Variants in CFDP1 observed in about 807,000 individuals in gnomAD.
CFDP1 encodes heterochromatin-stabilizing protein CFDP1.
Under a neutral mutation model 40.1 loss-of-function variants are expected in CFDP1, and 31 were observed. The ratio of observed to expected loss-of-function variants is 0.77; its 90% CI spans 0.58 to 1.04. The LOEUF (loss-of-function observed/expected upper bound fraction) is 1.04. CFDP1 is among the 50% of genes least tolerant of loss of function. CFDP1 has a pLI of 0.00. For synonymous variants in CFDP1, 167 were observed against 120.0 expected, an observed-to-expected ratio of 1.39 and a Z score of -2.56; for missense variants, 423 against 343.4, an observed-to-expected ratio of 1.23 and a Z score of -1.83.
At chr16:75,296,102 T>C (rs2078180179) in intron 6 of CFDP1, among the ~76,000 whole-genome samples, 1 of 152,172 alleles carries the variant, frequency 6.6e-6, no homozygotes, top group Non-Finnish European at 1.5e-5. Context: ...CAGCATGAGA[T>C]CTTGCTGTGC....
chr16:75,429,933 C>G lies in CFDP1; in HGVS notation c.64+3356G>C, dbSNP rs572236117. Among the ~76,000 whole-genome samples the G allele has an allele frequency of 2.3e-4, 35 of 152,152 alleles. No individual in the cohort carries two copies. In the South Asian group the frequency reaches 7.1e-3, roughly 31 times the overall value. ...TCAAGAGGTCCTGAGAGCACGCGCCCAAGGTGGTTGGGGTGCAGCTTGGTT... is the reference window on the plus strand; with the variant it reads ...TCAAGAGGTCCTGAGAGCACGCGCCGAAGGTGGTTGGGGTGCAGCTTGGTT... On this transcript the variant is annotated intron_variant, in intron 1 of 6. Transcript: ENST00000283882.
At chr16:75,302,331 G>A (rs1310615986) in intron 6 of CFDP1, among the ~76,000 whole-genome samples, 2 of 152,162 alleles carry the variant, frequency 1.3e-5, no homozygotes, top group East Asian at 1.9e-4. Context: ...TGCGATCAGA[G>A]CTCACTGCAG....
chr16:75,303,912 T>C (rs1040470294), intron 6 of CFDP1, among the ~76,000 whole-genome samples: 1 of 152,130 alleles, frequency 6.6e-6, no homozygotes, highest in African/African-American at 2.4e-5. Flanking sequence ...CAGCCAGGGC[T>C]CTCTGGTGGG....
intron 5 of CFDP1, among the ~76,000 whole-genome samples, chr16:75,386,702 G>A (rs904244255): frequency 1.8e-4 from 28 of 152,178 alleles, no homozygotes; most frequent in Non-Finnish European, 3.4e-4. Context: ...TCCAGCCTGG[G>A]CAACAGAGTG....
At chr16:75,421,719 T>C (rs1390018415) in intron 1 of CFDP1, among the ~76,000 whole-genome samples, 4 of 152,212 alleles carry the variant, frequency 2.6e-5, no homozygotes, top group Non-Finnish European at 4.4e-5. Flanking sequence ...GCCTGCATTA[T>C]CTGATACTAA....
chr16:75,384,960 A>G lies in CFDP1; in HGVS notation c.650+10130T>C, dbSNP rs190792422. On this transcript the variant is annotated intron_variant, in intron 5 of 6. Transcript: ENST00000283882. The stretch of plus-strand genomic sequence containing the variant: ...TTTTAAGTATCTACGAATGCAATAC[A>G]TATATATGTATACAATATATATGTA... Among the ~76,000 whole-genome samples the G allele has an allele frequency of 1.3e-4, 19 of 144,722 alleles. No homozygotes were observed. In the East Asian group the frequency reaches 3.4e-3, roughly 26 times the overall value. 94.9% of individuals were successfully genotyped at this position (144,722 alleles called of 152,430 possible).
At chr16:75,403,532 C>G (rs908166531) in intron 4 of CFDP1, among the ~76,000 whole-genome samples, 5 of 152,074 alleles carry the variant, frequency 3.3e-5, no homozygotes, top group African/African-American at 1.2e-4. Flanking sequence ...TGACTTCTTA[C>G]AGCAACAGTT....
At position 75,338,630 on chromosome 16, in the gene CFDP1, A is replaced by C. The variant is rs145416553; in HGVS notation, c.651-33448T>G. 2.7e-3 allele frequency among the ~76,000 whole-genome samples: 410 copies of C among 152,226 alleles called. 1 individual carries two copies. Among genetic ancestry groups the C allele is most frequent in the Non-Finnish European group, 4.1e-3 (279 of 68,006 alleles). On this transcript the variant is annotated intron_variant, in intron 5 of 6. Transcript: ENST00000283882. ...TCACTTTCCAGAGGGTTACTGACCT[A>C]ATGCATTTTCTGTTTTTTTGCTCAT...
intron 6 of CFDP1, among the ~76,000 whole-genome samples, chr16:75,300,309 C>A (rs1419874119): frequency 1.3e-5 from 2 of 152,084 alleles, no homozygotes; most frequent in Non-Finnish European, 2.9e-5. Flanking sequence ...TTTTTTGAGA[C>A]AGAGTTTCGC....
chr16:75,357,470 G>A (rs2078652578), intron 5 of CFDP1, among the ~76,000 whole-genome samples: 1 of 152,070 alleles, frequency 6.6e-6, no homozygotes, highest in Non-Finnish European at 1.5e-5. Flanking sequence ...GGCCAGGCTG[G>A]TCTCGAACTC....
chr16:75,407,667 A>AG (rs1282379424), intron 4 of CFDP1, among the ~76,000 whole-genome samples: 5 of 146,646 alleles, frequency 3.4e-5, no homozygotes, highest in South Asian at 2.2e-4. Flanking sequence ...AAAAAAAAAA[A>AG]AAAAAGAAAA....
intron 5 of CFDP1, among the ~76,000 whole-genome samples, chr16:75,351,902 G>A (rs2078614244): frequency 6.7e-6 from 1 of 149,550 alleles, no homozygotes; most frequent in Non-Finnish European, 1.5e-5. Flanking sequence ...CAGCTACTCA[G>A]GAAGCTGAGG....
intron 4 of CFDP1, among the ~76,000 whole-genome samples, chr16:75,398,910 A>T (rs1213411171): frequency 2.0e-5 from 3 of 152,114 alleles, no homozygotes; most frequent in Non-Finnish European, 4.4e-5. Flanking sequence ...AAAAAAAATT[A>T]GCCAGGCATG....
intron 5 of CFDP1, among the ~76,000 whole-genome samples, chr16:75,389,117 C>T (rs951271935): frequency 2.6e-5 from 4 of 152,032 alleles, no homozygotes; most frequent in African/African-American, 4.8e-5. Flanking sequence ...AATGGTGGCC[C>T]GCTGTTGGAA....
chr16:75,296,478 C>T (rs2078183106), intron 6 of CFDP1, among the ~76,000 whole-genome samples: 2 of 106,264 alleles, frequency 1.9e-5, no homozygotes, highest in African/African-American at 2.8e-5. Context: ...CTCAAGCGAT[C>T]CTCACCTTGG....
intron 5 of CFDP1, among the ~76,000 whole-genome samples, chr16:75,377,887 G>A (rs1208423471): frequency 1.3e-5 from 2 of 152,134 alleles, no homozygotes; most frequent in African/African-American, 2.4e-5. Flanking sequence ...TTCCTGTAAC[G>A]TCCCCTACAT....
chr16:75,371,321 C>G (rs1409905020), intron 5 of CFDP1, among the ~76,000 whole-genome samples: 1 of 147,142 alleles, frequency 6.8e-6, no homozygotes, highest in Non-Finnish European at 1.5e-5. Flanking sequence ...TAAGTAATGT[C>G]AACATAATAT....
At chr16:75,333,522 T>G (rs1437907204) in intron 5 of CFDP1, among the ~76,000 whole-genome samples, 1 of 152,222 alleles carries the variant, frequency 6.6e-6, no homozygotes, top group East Asian at 1.9e-4. Flanking sequence ...TGTCACAGAT[T>G]TGAAGAAAGA....
At chr16:75,331,163 A>G (rs1169361591) in intron 5 of CFDP1, among the ~76,000 whole-genome samples, 1 of 152,244 alleles carries the variant, frequency 6.6e-6, no homozygotes, top group Non-Finnish European at 1.5e-5. Flanking sequence ...GTGCAATGAC[A>G]GCAGGGGAGA....
Sources: allele counts gnomAD v4.1 joint callset (sites outside exome capture counted in the v4.1 genomes callset), GRCh38; gene constraint gnomAD v4.1.1; transcripts MANE v1.5; gene names NCBI Gene and HGNC (gene_info 2026-07-23, HGNC 2026-07-21).